STK32B: variants seen among roughly 807,000 people sequenced by gnomAD.
STK32B encodes serine/threonine-protein kinase 32B.
In STK32B, 43 loss-of-function variants were observed where a neutral mutation model predicts 52.6. The ratio of observed to expected loss-of-function variants is 0.82; its 90% CI spans 0.64 to 1.05. The LOEUF (loss-of-function observed/expected upper bound fraction) is 1.05, where lower values mean the gene tolerates loss of function less well. Ranked by LOEUF, STK32B falls within the 50% of genes least tolerant of loss-of-function variation. The pLI is 0.00. For synonymous variants in STK32B, 238 were observed against 204.3 expected (o/e 1.17, Z -1.41); for missense variants, 621 against 534.6 (o/e 1.16, Z -1.59).
At chr4:5,259,235 A>G (rs1270504895) in intron 3 of STK32B, among the ~76,000 whole-genome samples, 1 of 152,192 alleles carries the variant, frequency 6.6e-6, no homozygotes. Flanking sequence ...TTTACTGGCT[A>G]CCTCATTTAG....
Position 5,500,657 on chromosome 4 carries a change from T to TTTTA in STK32B, c.*1578_*1581dup, listed in dbSNP as rs1348120233. On this transcript the variant is annotated 3_prime_UTR_variant, in exon 12 of 12. Coordinates refer to ENST00000282908, the MANE Select transcript of STK32B (RefSeq NM_018401.3). ...TTTAATGTATGGTTAGGTTTTATATTTTTATTTTTTAAAAAAGAAATAGTC... is the reference window on the plus strand; with the variant it reads ...TTTAATGTATGGTTAGGTTTTATATTTTTATTTATTTTTTAAAAAAGAAATAGTC... 7.2e-5 allele frequency: 11 copies of TTTTA among 152,214 alleles called. No individual in the cohort carries two copies. Among genetic ancestry groups the TTTTA allele is most frequent in the African/African-American group, 1.4e-4 (6 of 41,450 alleles). 9.4% of individuals were successfully genotyped at this position (152,214 alleles called of 1,614,324 possible).
At chr4:5,198,382 G>A (rs1305959429) in intron 3 of STK32B, among the ~76,000 whole-genome samples, 2 of 152,162 alleles carry the variant, frequency 1.3e-5, no homozygotes, top group Non-Finnish European at 2.9e-5. Flanking sequence ...CATGGTGGTG[G>A]GAAGGTGGTA....
At chr4:5,086,616 A>G (rs1236731861) in intron 1 of STK32B, among the ~76,000 whole-genome samples, 2 of 152,230 alleles carry the variant, frequency 1.3e-5, no homozygotes, top group Non-Finnish European at 2.9e-5. Flanking sequence ...CAAGAAGCTC[A>G]GTGAATCCCT....
At chr4:5,033,679 C>T in the STK32B span, among the ~76,000 whole-genome samples, 64 of 152,216 alleles carry the variant, frequency 4.2e-4, no homozygotes, top group Non-Finnish European at 8.7e-4. Context: ...GGAAGCACCC[C>T]TGAGCACTGC....
the STK32B span, among the ~76,000 whole-genome samples, chr4:5,039,590 T>A: frequency 1.3e-5 from 2 of 152,162 alleles, no homozygotes; most frequent in Non-Finnish European, 2.9e-5. Flanking sequence ...AGGCACACAT[T>A]TTAAAATAAT....
intron 3 of STK32B, among the ~76,000 whole-genome samples, chr4:5,230,252 T>A (rs1332546417): frequency 7.3e-6 from 1 of 137,240 alleles, no homozygotes; most frequent in Non-Finnish European, 1.5e-5. Flanking sequence ...TGCAGTGGCA[T>A]GATCTCAGCT....
chr4:5,202,537 GTTTCTTCT>G (rs1722234901), intron 3 of STK32B, among the ~76,000 whole-genome samples: 1 of 152,236 alleles, frequency 6.6e-6, no homozygotes, highest in South Asian at 2.1e-4. Context: ...TCAACCCCAT[GTTTCTTCT>G]CTGCATTGAT....
At chr4:5,304,861 C>T (rs1337053989) in intron 3 of STK32B, among the ~76,000 whole-genome samples, 1 of 151,940 alleles carries the variant, frequency 6.6e-6, no homozygotes, top group African/African-American at 2.4e-5. Context: ...AGGTATGTCC[C>T]TTCTATGCTG....
chr4:5,053,590 C>T (rs1424254642), intron 1 of STK32B, among the ~76,000 whole-genome samples: 1 of 152,200 alleles, frequency 6.6e-6, no homozygotes, highest in Non-Finnish European at 1.5e-5. Context: ...AAATAGTTAT[C>T]TCTGGTGTAG....
chr4:5,466,608 C>A, intron 9 of STK32B, 95 bp from the exon 10 acceptor site: 1 of 1,457,654 alleles, frequency 6.9e-7, no homozygotes, highest in Non-Finnish European at 9.2e-7. Flanking sequence ...TTCATCATTA[C>A]TTGTTGAATG....
At chr4:5,329,948 A>G (rs1732123628) in intron 3 of STK32B, among the ~76,000 whole-genome samples, 1 of 152,188 alleles carries the variant, frequency 6.6e-6, no homozygotes, top group African/African-American at 2.4e-5. Context: ...TCCTGGGACC[A>G]AATCATGCAC....
chr4:5,078,717 T>C (rs764698716), intron 1 of STK32B, among the ~76,000 whole-genome samples: 4 of 152,136 alleles, frequency 2.6e-5, no homozygotes, highest in Non-Finnish European at 5.9e-5. Context: ...CAAGTCAAGG[T>C]TGCCAGAGTT....
At chr4:5,059,076 T>TTTTTTTTTTTTTTC (rs1742120357) in intron 1 of STK32B, among the ~76,000 whole-genome samples, 1 of 139,464 alleles carries the variant, frequency 7.2e-6, no homozygotes, top group Non-Finnish European at 1.6e-5. Flanking sequence ...TTTTTTTTTT[T>TTTTTTTTTTTTTTC]TTTTTGTAGA....
chr4:5,163,851 G>C (rs199789581), intron 2 of STK32B, among the ~76,000 whole-genome samples: 2 of 152,174 alleles, frequency 1.3e-5, no homozygotes, highest in East Asian at 3.9e-4. Flanking sequence ...GACCCATGGA[G>C]AGAGGACACT....
At chr4:5,404,289 G>C (rs549806357) in intron 5 of STK32B, among the ~76,000 whole-genome samples, 1 of 152,228 alleles carries the variant, frequency 6.6e-6, no homozygotes, top group East Asian at 1.9e-4. Context: ...CCCTCTTCCA[G>C]CTCTGGCAGC....
chr4:5,218,753 C>A (rs968446173), intron 3 of STK32B, among the ~76,000 whole-genome samples: 1 of 152,214 alleles, frequency 6.6e-6, no homozygotes, highest in African/African-American at 2.4e-5. Context: ...CTTTAAAATG[C>A]AGAGTAGAAG....
At chr4:5,077,456 C>T (rs527851912) in intron 1 of STK32B, among the ~76,000 whole-genome samples, 1 of 152,242 alleles carries the variant, frequency 6.6e-6, no homozygotes, top group Admixed American at 6.5e-5. Context: ...CTCAAAACAG[C>T]TTTGGAATTC....
chr4:5,059,052 C>CT (rs3072775), intron 1 of STK32B, among the ~76,000 whole-genome samples: 1,223 of 86,820 alleles, frequency 0.014, 128 homozygotes, highest in African/African-American at 0.035. Context: ...CGCCCAGCTG[C>CT]TTTTTTTTTT....
intron 3 of STK32B, among the ~76,000 whole-genome samples, chr4:5,304,126 T>C (rs7675953): frequency 0.21 from 32,112 of 152,038 alleles, 6,464 homozygotes; most frequent in African/African-American, 0.53. Flanking sequence ...CCTCCAGATT[T>C]GTTCTTTTGG....
Sources: gnomAD v4.1 joint callset for allele counts (sites outside exome capture counted in the v4.1 genomes callset) on GRCh38, gnomAD v4.1.1 for gene constraint, MANE v1.5 for transcripts, NCBI Gene and HGNC (gene_info 2026-07-23, HGNC 2026-07-21) for gene names.